Variants in ADGRG6 observed in about 807,000 individuals in gnomAD.
ADGRG6 encodes G-protein coupled receptor 126.
In ADGRG6, 84 loss-of-function variants were observed where a neutral mutation model predicts 142.4. The ratio of observed to expected loss-of-function variants is 0.59; its 90% confidence interval spans 0.49 to 0.71. The LOEUF is 0.71. Among genes scored for constraint, ADGRG6 ranks in the 30% least tolerant of loss-of-function variants. ADGRG6 has a pLI of 0.00. For missense variants in ADGRG6, 1,367 were observed against 1,466.6 expected (o/e 0.93, Z 1.11); for synonymous variants, 521 against 520.5 (o/e 1.00, Z -0.01).
intron 15 of ADGRG6, among the ~76,000 whole-genome samples, chr6:142,406,596 A>T (rs1435699619): frequency 6.6e-6 from 1 of 152,182 alleles, no homozygotes; most frequent in Non-Finnish European, 1.5e-5. Flanking sequence ...AGGAGCAGCC[A>T]AGTAGAGATA....
chr6:142,436,511 T>A (rs1261985902), intron 22 of ADGRG6, among the ~76,000 whole-genome samples: 1 of 151,792 alleles, frequency 6.6e-6, no homozygotes, highest in East Asian at 1.9e-4. Context: ...AGATAAGGTG[T>A]GAGAAAAAGG....
chr6:142,379,691 C>T (rs796565600), intron 4 of ADGRG6, among the ~76,000 whole-genome samples: 4 of 152,164 alleles, frequency 2.6e-5, no homozygotes, highest in African/African-American at 7.2e-5. Context: ...GGCGGGAACC[C>T]GGGAGGCAGA....
intron 2 of ADGRG6, among the ~76,000 whole-genome samples, chr6:142,312,900 A>G (rs564281307): frequency 6.6e-6 from 1 of 152,206 alleles, no homozygotes; most frequent in African/African-American, 2.4e-5. Flanking sequence ...TTGCTTGGGA[A>G]GCTATTCATG....
chr6:142,352,486 G>C (rs561612615), intron 2 of ADGRG6, among the ~76,000 whole-genome samples: 7 of 152,120 alleles, frequency 4.6e-5, no homozygotes, highest in African/African-American at 1.7e-4. Context: ...TGGAAAGAGG[G>C]TGTGGGTCCA....
intron 2 of ADGRG6, among the ~76,000 whole-genome samples, chr6:142,354,785 A>G (rs778634136): frequency 3.3e-5 from 5 of 152,228 alleles, no homozygotes; most frequent in Non-Finnish European, 5.9e-5. Context: ...AAGCAAATCA[A>G]GTTTTATTAA....
At position 142,432,149 on chromosome 6, in the gene ADGRG6, G is replaced by A. The variant is rs115308750; in HGVS notation, c.3320-5285G>A. Among the ~76,000 whole-genome samples the A allele has an allele frequency of 2.0e-5, 3 of 151,980 alleles. No homozygotes were observed. The East Asian group carries it at 5.8e-4, about 29-fold the overall frequency. On this transcript the variant is annotated intron_variant, in intron 22 of 24. Transcript: ENST00000367609. ...AGCCTCCAGGTGCCCTTGGCTCTCT[G>A]GCTTCATTTCTACTGCTCCTTCCTG... is the stretch of plus-strand genomic sequence containing the variant.
At chr6:142,387,524 A>G (rs531571952) in intron 6 of ADGRG6, among the ~76,000 whole-genome samples, 3 of 152,350 alleles carry the variant, frequency 2.0e-5, no homozygotes, top group African/African-American at 7.2e-5. Flanking sequence ...TCATATTGTA[A>G]ATGCCACTGT....
At chr6:142,355,653 A>G (rs892579922) in intron 2 of ADGRG6, among the ~76,000 whole-genome samples, 3 of 151,968 alleles carry the variant, frequency 2.0e-5, no homozygotes, top group Non-Finnish European at 1.5e-5. Flanking sequence ...ACAAGCTTCT[A>G]TTTTTAGGTC....
intron 2 of ADGRG6, among the ~76,000 whole-genome samples, chr6:142,353,655 G>A (rs957651243): frequency 2.6e-5 from 4 of 152,154 alleles, no homozygotes; most frequent in Admixed American, 2.6e-4. Context: ...TGTTTAAAAA[G>A]TTGATCTAAC....
intron 2 of ADGRG6, among the ~76,000 whole-genome samples, chr6:142,327,763 A>T (rs1462426194): frequency 6.6e-6 from 1 of 152,250 alleles, no homozygotes; most frequent in East Asian, 1.9e-4. Context: ...TTGAGTTGAA[A>T]TATGCCTCCA....
At chr6:142,409,480 A>T (rs113919424) in intron 16 of ADGRG6, among the ~76,000 whole-genome samples, 8 of 152,284 alleles carry the variant, frequency 5.3e-5, no homozygotes, top group African/African-American at 1.9e-4. Flanking sequence ...ATGAGTCTAC[A>T]GATATCTTGT....
intron 22 of ADGRG6, among the ~76,000 whole-genome samples, 187 bp from the exon 23 acceptor site, chr6:142,437,247 C>G (rs9484640): frequency 1.3e-5 from 2 of 152,086 alleles, no homozygotes; most frequent in African/African-American, 4.8e-5. Context: ...TTATCAGAGC[C>G]TTTGTGTTCT....
chr6:142,437,223 T>C (rs1490755417), intron 22 of ADGRG6, among the ~76,000 whole-genome samples: 1 of 152,166 alleles, frequency 6.6e-6, no homozygotes, highest in Non-Finnish European at 1.5e-5. Context: ...CAGATCCCTG[T>C]GGTTATTCTA....
chr6:142,357,019 A>T (rs1780478595), intron 2 of ADGRG6, among the ~76,000 whole-genome samples: 1 of 152,206 alleles, frequency 6.6e-6, no homozygotes. Context: ...TAAAGAAAAG[A>T]TCTTGTGTAA....
At chr6:142,393,702 A>G (rs149485830) in intron 8 of ADGRG6, among the ~76,000 whole-genome samples, 194 bp from the exon 9 acceptor site, 1 of 152,160 alleles carries the variant, frequency 6.6e-6, no homozygotes, top group Non-Finnish European at 1.5e-5. Flanking sequence ...AATAATATGA[A>G]TTGTGAATCT....
chr6:142,348,343 G>A (rs554428831), intron 2 of ADGRG6, among the ~76,000 whole-genome samples: 1 of 152,228 alleles, frequency 6.6e-6, no homozygotes, highest in African/African-American at 2.4e-5. Flanking sequence ...AATGTTAAAA[G>A]ATCAGATGGA....
At chr6:142,417,499 C>G (rs1776426672) in intron 21 of ADGRG6, 130 bp downstream of exon 21, 2 of 608,664 alleles carry the variant, frequency 3.3e-6, no homozygotes, top group East Asian at 5.6e-5. Flanking sequence ...GCCAAAATCT[C>G]TGCTACACCA....
rs1008333599 is a variant in ADGRG6, at chr6:142,443,730, T to C, written c.*215T>C. The stretch of plus-strand genomic sequence containing the variant: ...ATCACTAAAACTTCAGTACTGAGAG[T>C]AACATGACTCAGTAGCCACAGAAGC... On this transcript the variant is annotated 3_prime_UTR_variant, in exon 25 of 25. Coordinates refer to ENST00000367609, the MANE Select transcript of ADGRG6 (RefSeq NM_198569.3). The C allele has an allele frequency of 5.4e-5, 23 of 424,974 alleles. No individual in the cohort carries two copies. The highest frequency in any genetic ancestry group is 7.9e-5 in the Non-Finnish European group (19 of 240,204). 26.3% of individuals were successfully genotyped at this position (424,974 alleles called of 1,614,324 possible).
chr6:142,405,671 CTGTG>C lies in ADGRG6; in HGVS notation c.2128-8_2128-5del. On this transcript the variant is annotated splice_polypyrimidine_tract_variant and intron_variant, in intron 14 of 24. Transcript: ENST00000367609. ...AATTATGATTACTTGACCAATATATCTGTGTGTGTGTGACAGATGGATTTTGAGA... is the reference window on the plus strand; with the variant it reads ...AATTATGATTACTTGACCAATATATCTGTGTGTGACAGATGGATTTTGAGA... The C allele has an allele frequency of 6.3e-7, 1 of 1,582,034 alleles. No individual in the cohort carries two copies. Among genetic ancestry groups the C allele is most frequent in the Non-Finnish European group, 8.7e-7 (1 of 1,153,126 alleles).
Sources: allele counts gnomAD v4.1 joint callset (sites outside exome capture counted in the v4.1 genomes callset), GRCh38; gene constraint gnomAD v4.1.1; transcripts MANE v1.5; gene names NCBI Gene and HGNC (gene_info 2026-07-23, HGNC 2026-07-21).